Variants in LRRC4C observed in about 807,000 individuals in gnomAD.
LRRC4C encodes leucine-rich repeat-containing protein 4C.
LRRC4C carries 5 observed loss-of-function variants against 33.6 expected under a neutral mutation model. That is an observed-to-expected ratio of 0.15 (90% CI 0.08 to 0.31). LRRC4C has a LOEUF of 0.31. Among genes scored for constraint, LRRC4C ranks in the 10% least tolerant of loss-of-function variants. LRRC4C has a pLI of 1.00. For missense variants in LRRC4C, 560 were observed against 796.7 expected (o/e 0.70, Z 3.58); for synonymous variants, 329 against 302.0 (o/e 1.09, Z -0.93).
intron 3 of LRRC4C, among the ~76,000 whole-genome samples, chr11:40,590,230 A>C (rs1030594233): frequency 6.6e-6 from 1 of 150,962 alleles, no homozygotes; most frequent in Non-Finnish European, 1.5e-5. Flanking sequence ...TCTTCATTTC[A>C]TCTTCCATTG....
intron 6 of LRRC4C, among the ~76,000 whole-genome samples, chr11:40,121,854 C>T (rs1458738018): frequency 2.0e-5 from 3 of 152,024 alleles, no homozygotes; most frequent in Non-Finnish European, 4.4e-5. Context: ...ACAACTGTAC[C>T]TCTTCTTTCC....
chr11:40,298,453 T>G (rs2136645666), intron 4 of LRRC4C, among the ~76,000 whole-genome samples: 1 of 150,616 alleles, frequency 6.6e-6, no homozygotes, highest in Admixed American at 6.7e-5. Context: ...TGCATCTCTC[T>G]CTCTCTTCTT....
At chr11:40,903,949 TA>T (rs910336963) in intron 2 of LRRC4C, among the ~76,000 whole-genome samples, 21 of 151,840 alleles carry the variant, frequency 1.4e-4, no homozygotes, top group Non-Finnish European at 2.9e-5. Flanking sequence ...ATTTTAAAAT[TA>T]AAAAATATAT....
intron 4 of LRRC4C, among the ~76,000 whole-genome samples, chr11:40,317,735 A>G (rs1440486050): frequency 2.0e-5 from 3 of 152,080 alleles, no homozygotes; most frequent in South Asian, 2.1e-4. Flanking sequence ...TTTGCCACTC[A>G]TTACCAAGTT....
At chr11:40,562,313 AT>A (rs1957581077) in intron 3 of LRRC4C, among the ~76,000 whole-genome samples, 1 of 152,212 alleles carries the variant, frequency 6.6e-6, no homozygotes, top group African/African-American at 2.4e-5. Context: ...TTGCATTTAT[AT>A]TTTTTAAGGA....
intron 3 of LRRC4C, among the ~76,000 whole-genome samples, chr11:40,362,933 TAAAGA>T (rs1374061102): frequency 2.0e-5 from 3 of 152,118 alleles, no homozygotes; most frequent in Non-Finnish European, 4.4e-5. Context: ...GTCAAGGTTG[TAAAGA>T]AAAGGGAACA....
At chr11:40,727,267 C>T (rs903829495) in intron 2 of LRRC4C, among the ~76,000 whole-genome samples, 1 of 152,024 alleles carries the variant, frequency 6.6e-6, no homozygotes, top group Middle Eastern at 3.2e-3. Flanking sequence ...AAGCCACATA[C>T]CTACAACTAA....
At chr11:40,835,098 T>C (rs754601035) in intron 2 of LRRC4C, among the ~76,000 whole-genome samples, 2 of 152,184 alleles carry the variant, frequency 1.3e-5, no homozygotes, top group Non-Finnish European at 2.9e-5. Flanking sequence ...CATTCATGTA[T>C]AGCTTAAAGA....
intron 3 of LRRC4C, among the ~76,000 whole-genome samples, chr11:40,546,126 CTTCCTTCT>C (rs1956912981): frequency 7.4e-6 from 1 of 135,268 alleles, no homozygotes; most frequent in Admixed American, 7.5e-5. Flanking sequence ...TCCTTCCTTC[CTTCCTTCT>C]TTCCTTTCTC....
At chr11:40,265,643 T>C (rs1038108389) in intron 4 of LRRC4C, among the ~76,000 whole-genome samples, 21 of 152,202 alleles carry the variant, frequency 1.4e-4, no homozygotes, top group Non-Finnish European at 2.6e-4. Flanking sequence ...TGGTGCCATT[T>C]GGCACTAATG....
At chr11:40,316,781 A>C (rs561442578) in intron 4 of LRRC4C, among the ~76,000 whole-genome samples, 1 of 152,076 alleles carries the variant, frequency 6.6e-6, no homozygotes, top group African/African-American at 2.4e-5. Flanking sequence ...GAATGCTTTC[A>C]CTATGATGTG....
chr11:41,304,192 T>G, intron 1 of LRRC4C, among the ~76,000 whole-genome samples: 1 of 27,136 alleles, frequency 3.7e-5, no homozygotes, highest in African/African-American at 8.4e-5. Flanking sequence ...GCCCCCCGCC[T>G]GGCCAGCCGC....
intron 1 of LRRC4C, among the ~76,000 whole-genome samples, chr11:41,019,152 G>A (rs892384149): frequency 5.3e-5 from 8 of 151,818 alleles, no homozygotes; most frequent in Admixed American, 2.0e-4. Context: ...CTATTGACCT[G>A]TCCTCTAAGT....
At chr11:41,109,937 A>G (rs1406325981) in intron 1 of LRRC4C, among the ~76,000 whole-genome samples, 1 of 151,988 alleles carries the variant, frequency 6.6e-6, no homozygotes, top group Non-Finnish European at 1.5e-5. Flanking sequence ...TCTTGAGACA[A>G]TGGTCTTTAT....
intron 3 of LRRC4C, among the ~76,000 whole-genome samples, chr11:40,388,558 C>T (rs1443229191): frequency 6.6e-6 from 1 of 152,122 alleles, no homozygotes; most frequent in African/African-American, 2.4e-5. Flanking sequence ...TACTGGGATC[C>T]TGATGCCATT....
intron 2 of LRRC4C, among the ~76,000 whole-genome samples, chr11:40,861,590 A>C (rs2135849057): frequency 6.6e-6 from 1 of 152,330 alleles, no homozygotes; most frequent in African/African-American, 2.4e-5. Context: ...CATTGTAAGT[A>C]TGAAAAATCA....
intron 3 of LRRC4C, among the ~76,000 whole-genome samples, chr11:40,563,060 T>C (rs926668534): frequency 2.6e-5 from 4 of 152,072 alleles, no homozygotes; most frequent in African/African-American, 9.7e-5. Flanking sequence ...CCGCAGTAAA[T>C]ATCTTGCACA....
At chr11:40,822,050 G>A (rs192498929) in intron 2 of LRRC4C, among the ~76,000 whole-genome samples, 25 of 151,634 alleles carry the variant, frequency 1.6e-4, no homozygotes, top group Admixed American at 3.3e-4. Context: ...TTTGGCATGC[G>A]CAATAAATTA....
intron 4 of LRRC4C, among the ~76,000 whole-genome samples, chr11:40,314,063 G>A (rs1166592105): frequency 2.0e-5 from 3 of 151,866 alleles, no homozygotes; most frequent in Non-Finnish European, 1.5e-5. Flanking sequence ...AGAATGAAAA[G>A]ACAACCTACA....
Sources: gnomAD v4.1 joint callset for allele counts (sites outside exome capture counted in the v4.1 genomes callset) on GRCh38, gnomAD v4.1.1 for gene constraint, MANE v1.5 for transcripts, NCBI Gene and HGNC (gene_info 2026-07-23, HGNC 2026-07-21) for gene names.